ACER1: variants seen among roughly 807,000 people sequenced by gnomAD.
ACER1 encodes the protein CTB-180A7.3.
Under a neutral mutation model 24.9 loss-of-function variants are expected in ACER1, and 28 were observed. The ratio of observed to expected loss-of-function variants is 1.13; its 90% CI spans 0.83 to 1.54. The LOEUF is 1.54. Ranked by LOEUF, ACER1 falls within the 40% of genes most tolerant of loss-of-function variation. ACER1 has a pLI of 0.00. For missense variants in ACER1, 352 were observed against 349.3 expected, an observed-to-expected ratio of 1.01 and a Z score of -0.06; for synonymous variants, 132 against 131.4, an observed-to-expected ratio of 1.00 and a Z score of -0.03.
chr19:6,346,499 C>T, the ACER1 span, among the ~76,000 whole-genome samples: 1 of 150,748 alleles, frequency 6.6e-6, no homozygotes, highest in South Asian at 2.1e-4. Flanking sequence ...TCTCCTTCTT[C>T]TTCTTCTTTT....
intron 1 of ACER1, among the ~76,000 whole-genome samples, chr19:6,321,856 C>A (rs774301053): frequency 6.6e-5 from 10 of 150,948 alleles, no homozygotes; most frequent in African/African-American, 7.5e-5. Flanking sequence ...AGGTCATCTG[C>A]CCACCACGGC....
chr19:6,344,986 C>T, the ACER1 span, among the ~76,000 whole-genome samples: 2 of 152,004 alleles, frequency 1.3e-5, no homozygotes, highest in South Asian at 4.1e-4. Context: ...CTGCCTCAGC[C>T]TTCCAAGTAT....
chr19:6,307,081 T>C (rs1157769623), intron 5 of ACER1, 72 bp downstream of exon 5: 1 of 1,590,308 alleles, frequency 6.3e-7, no homozygotes, highest in African/African-American at 1.3e-5. Context: ...AGCCCCCAGG[T>C]GCCTACTCCG....
At chr19:6,336,970 G>A (rs1051167010), upstream of ACER1, among the ~76,000 whole-genome samples, 3 of 151,954 alleles carry the variant, frequency 2.0e-5, no homozygotes, top group African/African-American at 7.3e-5. Context: ...GAGGTCAGGA[G>A]TTCAAGACTA....
At chr19:6,359,160 G>A in the ACER1 span, among the ~76,000 whole-genome samples, 2 of 151,812 alleles carry the variant, frequency 1.3e-5, no homozygotes, top group African/African-American at 4.8e-5. Context: ...TGAGCCCAGA[G>A]GTTCAAGGCT....
chr19:6,320,932 G>A (rs1014554049), intron 1 of ACER1, among the ~76,000 whole-genome samples: 1 of 151,282 alleles, frequency 6.6e-6, no homozygotes, highest in African/African-American at 2.4e-5. Flanking sequence ...GTATTCACTC[G>A]TAATAAGAAT....
In ACER1 at chr19:6,322,616, G is replaced by A. The variant is rs2091636514; in HGVS notation, c.94-10117C>T. Among the ~76,000 whole-genome samples the A allele has an allele frequency of 1.3e-5, 2 of 152,102 alleles. 1 individual carries two copies. Among genetic ancestry groups the A allele is most frequent in the South Asian group, 4.1e-4 (2 of 4,830 alleles). On this transcript the variant is annotated intron_variant, in intron 1 of 5. Transcript: ENST00000301452. Reference sequence around the variant, plus strand: ...TCTGGGCTCTGCAACCTCAACCCCAGACTCAGCTCCTTGCAAACAGAGCAA... The same window carrying A: ...TCTGGGCTCTGCAACCTCAACCCCAAACTCAGCTCCTTGCAAACAGAGCAA...
At chr19:6,310,890 AAAAG>A (rs2091576640) in intron 3 of ACER1, among the ~76,000 whole-genome samples, 3 of 151,576 alleles carry the variant, frequency 2.0e-5, no homozygotes, top group African/African-American at 4.8e-5. Context: ...AAAAAAAAAA[AAAAG>A]AAGAAGGAGA....
At position 6,312,196 on chromosome 19, in the gene ACER1, G is replaced by A; in HGVS notation, c.303C>T (p.Ser101=). 6.2e-7 allele frequency: 1 copy of A among 1,613,986 alleles called. No individual in the cohort carries two copies. The highest frequency in any genetic ancestry group is 1.1e-5 in the South Asian group (1 of 91,062). ...AILWLLGSGY[S]IWMPRCYFPS... is the part of the protein sequence containing the mutation. Reference sequence around the variant, plus strand: ...GGAAATAGCAGCGGGGCATCCATATGCTATAGCCACTGCCCAGGAGCCACA... The same window carrying A: ...GGAAATAGCAGCGGGGCATCCATATACTATAGCCACTGCCCAGGAGCCACA... Residue 101 remains serine (S), a synonymous_variant, in exon 3 of 6, where the codon AGC becomes AGT. Coordinates refer to ENST00000301452, the MANE Select transcript of ACER1 (RefSeq NM_133492.3).
At chr19:6,314,755 A>G (rs2145001768) in intron 1 of ACER1, among the ~76,000 whole-genome samples, 1 of 152,326 alleles carries the variant, frequency 6.6e-6, no homozygotes, top group South Asian at 2.1e-4. Context: ...AAACGAAATC[A>G]TTATACTAAA....
intron 3 of ACER1, 135 bp from the exon 4 acceptor site, chr19:6,309,969 G>A (rs1283149885): frequency 1.7e-6 from 2 of 1,160,260 alleles, no homozygotes; most frequent in Non-Finnish European, 2.4e-6. Flanking sequence ...CTCAGAAAAG[G>A]GTCCTAGCCA....
At chr19:6,332,745 A>G (rs1433232496) in intron 1 of ACER1, among the ~76,000 whole-genome samples, 1 of 152,036 alleles carries the variant, frequency 6.6e-6, no homozygotes, top group Non-Finnish European at 1.5e-5. Context: ...ATCTCAGCTC[A>G]CTGCAACCTC....
At chr19:6,315,701 G>A (rs2145002882) in intron 1 of ACER1, among the ~76,000 whole-genome samples, 1 of 152,088 alleles carries the variant, frequency 6.6e-6, no homozygotes, top group East Asian at 1.9e-4. Flanking sequence ...TTTTTGTACA[G>A]ATGGGATTTG....
chr19:6,357,345 C>T, the ACER1 span, among the ~76,000 whole-genome samples: 1 of 152,012 alleles, frequency 6.6e-6, no homozygotes, highest in South Asian at 2.1e-4. Flanking sequence ...CTCTGCCTGG[C>T]TTGACTCCAA....
chr19:6,345,198 G>T, the ACER1 span, among the ~76,000 whole-genome samples: 1 of 151,790 alleles, frequency 6.6e-6, no homozygotes, highest in Admixed American at 6.6e-5. Context: ...CCCGGCCTCC[G>T]TGTGTTGTTT....
chr19:6,311,048 CG>C (rs2091577412), intron 3 of ACER1, among the ~76,000 whole-genome samples: 1 of 151,708 alleles, frequency 6.6e-6, no homozygotes. Flanking sequence ...CCTGGGAGAG[CG>C]TGATGGTTTC....
chr19:6,331,516 G>A (rs577317548), intron 1 of ACER1, among the ~76,000 whole-genome samples: 5 of 151,542 alleles, frequency 3.3e-5, no homozygotes, highest in African/African-American at 4.8e-5. Context: ...CTACGAGGCC[G>A]GGCGCCGTGG....
the ACER1 span, among the ~76,000 whole-genome samples, chr19:6,358,425 C>T: frequency 6.6e-6 from 1 of 152,148 alleles, no homozygotes; most frequent in South Asian, 2.1e-4. Flanking sequence ...ATCTCCCCAT[C>T]GGACTGCAGT....
chr19:6,337,841 T>C (rs2091721296), upstream of ACER1, among the ~76,000 whole-genome samples: 1 of 151,122 alleles, frequency 6.6e-6, no homozygotes, highest in Admixed American at 6.6e-5. Context: ...AACGCCTGGC[T>C]AATTTTTTTG....
Sources: gnomAD v4.1 joint callset for allele counts (sites outside exome capture counted in the v4.1 genomes callset) on GRCh38, gnomAD v4.1.1 for gene constraint, MANE v1.5 for transcripts, NCBI Gene and HGNC (gene_info 2026-07-23, HGNC 2026-07-21) for gene names.